Variants in EIF4G3 observed in about 807,000 individuals in gnomAD.
EIF4G3 encodes the protein eIF-4-gamma 3.
In EIF4G3, 34 loss-of-function variants were observed where a neutral mutation model predicts 186.4. That is an observed-to-expected ratio of 0.18 (90% CI 0.14 to 0.24). The LOEUF is 0.24. Among genes scored for constraint, EIF4G3 ranks in the 10% least tolerant of loss-of-function variants. The pLI is 1.00. For missense variants in EIF4G3, 1,536 were observed against 1,948.5 expected, an observed-to-expected ratio of 0.79 and a Z score of 3.99; for synonymous variants, 673 against 679.5, an observed-to-expected ratio of 0.99 and a Z score of 0.15.
intron 12 of EIF4G3, among the ~76,000 whole-genome samples, chr1:20,956,285 G>A (rs1462020911): frequency 6.6e-6 from 1 of 152,076 alleles, no homozygotes; most frequent in Non-Finnish European, 1.5e-5. Context: ...GTTTTTGTAT[G>A]GACAGTTAGT....
At chr1:20,818,696 G>A (rs1273207718) in intron 33 of EIF4G3, among the ~76,000 whole-genome samples, 1 of 151,978 alleles carries the variant, frequency 6.6e-6, no homozygotes, top group African/African-American at 2.4e-5. Flanking sequence ...AAGGACTAAA[G>A]AAATGAAGTA....
At chr1:20,991,590 T>C (rs1284249337) in intron 7 of EIF4G3, among the ~76,000 whole-genome samples, 2 of 150,086 alleles carry the variant, frequency 1.3e-5, no homozygotes, top group African/African-American at 4.9e-5. Flanking sequence ...AAAGAAAAAA[T>C]TCAGTTCTTT....
intron 3 of EIF4G3, among the ~76,000 whole-genome samples, chr1:21,083,185 G>A (rs1032897038): frequency 6.6e-6 from 1 of 151,712 alleles, no homozygotes; most frequent in Non-Finnish European, 1.5e-5. Context: ...AGGCTTCGAT[G>A]AGCTGTAATT....
chr1:21,139,003 G>C (rs1337203611), intron 2 of EIF4G3, among the ~76,000 whole-genome samples: 1 of 151,950 alleles, frequency 6.6e-6, no homozygotes, highest in African/African-American at 2.4e-5. Context: ...TCCTGCCTTG[G>C]CCTCCCAAAA....
intron 4 of EIF4G3, among the ~76,000 whole-genome samples, chr1:21,016,492 C>T (rs1439066240): frequency 6.6e-6 from 1 of 152,070 alleles, no homozygotes; most frequent in African/African-American, 2.4e-5. Flanking sequence ...TGGAGACCAA[C>T]TTGGTCAACA....
intron 3 of EIF4G3, among the ~76,000 whole-genome samples, 184 bp from the exon 4 acceptor site, chr1:21,051,178 A>C (rs181163477): frequency 6.6e-6 from 1 of 152,350 alleles, no homozygotes; most frequent in Admixed American, 6.5e-5. Flanking sequence ...AAAAATATAT[A>C]CATGAATATT....
chr1:20,807,019 TA>T lies in EIF4G3; in HGVS notation c.*299del, dbSNP rs1326417610. On this transcript the variant is annotated 3_prime_UTR_variant, in exon 37 of 37. Coordinates refer to ENST00000602326, the MANE Select transcript of EIF4G3 (RefSeq NM_001391906.1). ...AGTTCTCAACTTTTTTTTTTTTTGCTAAACATTTTTTTAAGTATGAGTCCTT... is the reference window on the plus strand; with the variant it reads ...AGTTCTCAACTTTTTTTTTTTTTGCTAACATTTTTTTAAGTATGAGTCCTT... 1.6e-5 allele frequency: 3 copies of T among 184,886 alleles called. No homozygotes were observed. The highest frequency in any genetic ancestry group is 4.7e-5 in the African/African-American group (2 of 42,748). 11.5% of individuals were successfully genotyped at this position (184,886 alleles called of 1,614,324 possible).
At chr1:20,983,901 G>A (rs948339480) in intron 7 of EIF4G3, among the ~76,000 whole-genome samples, 2 of 152,050 alleles carry the variant, frequency 1.3e-5, no homozygotes, top group East Asian at 1.9e-4. Flanking sequence ...AAATAGATAC[G>A]GGCAATGTTT....
At chr1:20,897,492 A>G (rs1261755524) in intron 16 of EIF4G3, among the ~76,000 whole-genome samples, 1 of 150,450 alleles carries the variant, frequency 6.6e-6, no homozygotes, top group African/African-American at 2.4e-5. Context: ...TTAGATACTA[A>G]GTTTTTTCTC....
chr1:21,068,391 A>AAAAAAAAAAAAAAAAAAAAAAAC (rs1319008942), intron 3 of EIF4G3, among the ~76,000 whole-genome samples: 3 of 149,088 alleles, frequency 2.0e-5, no homozygotes, highest in Non-Finnish European at 3.0e-5. Flanking sequence ...AAAAAAAAAA[A>AAAAAAAAAAAAAAAAAAAAAAAC]AAAAAAAAAC....
chr1:21,012,879 A>G (rs1025073694), intron 4 of EIF4G3, among the ~76,000 whole-genome samples: 3 of 152,172 alleles, frequency 2.0e-5, no homozygotes, highest in African/African-American at 7.2e-5. Context: ...TCCACAAGAC[A>G]GGTGAGAAAC....
rs142520007 is a variant in EIF4G3 at position 20,879,417 on chromosome 1, C to T, written c.2528G>A (p.Arg843Gln). The T allele has an allele frequency of 2.5e-6, 4 of 1,601,080 alleles. No individual in the cohort carries two copies. Among genetic ancestry groups the T allele is most frequent in the South Asian group, 2.2e-5 (2 of 88,998 alleles). ...VSGLTVDTEERLKGVIDLVFE... is the reference protein window; with the variant it reads ...VSGLTVDTEEQLKGVIDLVFE... Reference sequence around the variant, plus strand: ...GACCAGGTCAATAACTCCTTTCAGCCGCTCCTCTGTGTCAACAGTAAGTCC... The same window carrying T: ...GACCAGGTCAATAACTCCTTTCAGCTGCTCCTCTGTGTCAACAGTAAGTCC... Residue 843 changes from arginine to glutamine, a missense_variant, in exon 20 of 37, where the codon CGG (arginine) becomes CAG (glutamine). Physicochemically the swap from Arg to Gln is conservative, Grantham distance 43 (BLOSUM62 1). Coordinates refer to ENST00000602326, the MANE Select transcript of EIF4G3 (RefSeq NM_001391906.1).
chr1:21,084,348 C>T (rs1449496978), intron 3 of EIF4G3, among the ~76,000 whole-genome samples: 1 of 151,912 alleles, frequency 6.6e-6, no homozygotes, highest in South Asian at 2.1e-4. Context: ...AAGCAAGGCA[C>T]GTCTTACATG....
chr1:21,156,872 C>A (rs147748401), intron 2 of EIF4G3, among the ~76,000 whole-genome samples: 2 of 151,946 alleles, frequency 1.3e-5, no homozygotes, highest in Admixed American at 1.3e-4. Flanking sequence ...CCCAGGAGTT[C>A]AAGACCAGGC....
chr1:21,132,582 G>A (rs1444035036), intron 2 of EIF4G3, among the ~76,000 whole-genome samples: 1 of 151,908 alleles, frequency 6.6e-6, no homozygotes, highest in Non-Finnish European at 1.5e-5. Flanking sequence ...TAGGACCACA[G>A]GCATATGCCA....
chr1:21,069,005 G>C (rs2095359383), intron 3 of EIF4G3, among the ~76,000 whole-genome samples: 1 of 152,196 alleles, frequency 6.6e-6, no homozygotes. Flanking sequence ...GTTTTGATTA[G>C]AGATGCTCAA....
At chr1:20,817,015 G>T (rs191580524) in intron 34 of EIF4G3, among the ~76,000 whole-genome samples, 14,283 of 143,714 alleles carry the variant, frequency 0.099, 941 homozygotes, top group East Asian at 0.31. Flanking sequence ...GGTGCAAGAT[G>T]TGCTTTGTTA....
chr1:21,149,966 T>A (rs1160190662), intron 2 of EIF4G3, among the ~76,000 whole-genome samples: 1 of 152,242 alleles, frequency 6.6e-6, no homozygotes, highest in Non-Finnish European at 1.5e-5. Flanking sequence ...CTGCAGAGAA[T>A]GGGTGGGTCC....
At chr1:21,131,021 C>T (rs538693301) in intron 2 of EIF4G3, among the ~76,000 whole-genome samples, 50 of 151,992 alleles carry the variant, frequency 3.3e-4, no homozygotes, top group Admixed American at 1.6e-3. Context: ...GGGTGGATCA[C>T]CTGAGATCAG....
Sources: gnomAD v4.1 joint callset for allele counts (sites outside exome capture counted in the v4.1 genomes callset) on GRCh38, gnomAD v4.1.1 for gene constraint, MANE v1.5 for transcripts, NCBI Gene and HGNC (gene_info 2026-07-23, HGNC 2026-07-21) for gene names.